The following SLC4A11 variants were observed in gnomAD, a reference collection of about 807,000 sequenced individuals.
SLC4A11 encodes the protein bicarbonate transporter related protein 1.
A neutral mutation model predicts 95.0 loss-of-function variants in SLC4A11; 74 were observed. That is an observed-to-expected ratio of 0.78 (90% CI 0.65 to 0.95). The LOEUF (loss-of-function observed/expected upper bound fraction) is 0.95. Ranked by LOEUF, SLC4A11 falls within the 40% of genes least tolerant of loss-of-function variation. The probability of loss-of-function intolerance (pLI) is 0.00; values close to 1 mark genes in which losing one functional copy is unlikely to be tolerated. For synonymous variants in SLC4A11, 548 were observed against 519.0 expected, an observed-to-expected ratio of 1.06 and a Z score of -0.76; for missense variants, 1,081 against 1,192.4, an observed-to-expected ratio of 0.91 and a Z score of 1.38.
Position 3,231,470 on chromosome 20 carries a change from G to A in SLC4A11, c.808C>T (p.Leu270=). 6.2e-7 allele frequency: 1 copy of A among 1,614,106 alleles called. No individual in the cohort carries two copies. Residue 270 remains leucine (L), a synonymous_variant, in exon 8 of 20, where the codon CTG becomes TTG. Transcript: ENST00000642402. This position sits in a 1 kb window ranked among gnomAD's most constrained non-coding sequence, Gnocchi z 5.2. ...FSDIAFRQKL[L]ETRTEEEFKE... The stretch of plus-strand genomic sequence containing the variant: ...AATTCCTCCTCTGTGCGGGTCTCCA[G>A]GAGCTTCTGGCGGAAGGCGATATCC...
intron 18 of SLC4A11, 39 bp downstream of exon 18, chr20:3,228,472 TC>T (rs746181442): frequency 9.9e-6 from 16 of 1,612,622 alleles, no homozygotes; most frequent in African/African-American, 1.3e-5. Flanking sequence ...TGGGGCTGTG[TC>T]CCCACCCACG....
chr20:3,233,457 G>A (rs1183373471), intron 7 of SLC4A11, 57 bp downstream of exon 7: 1 of 1,608,554 alleles, frequency 6.2e-7, no homozygotes, highest in Non-Finnish European at 8.5e-7. Context: ...ACCCCAAGCA[G>A]AGGGCGGGTA....
In SLC4A11 at chr20:3,234,017, A is replaced by AG; in HGVS notation, c.524-16dup. On this transcript the variant is annotated splice_polypyrimidine_tract_variant and intron_variant, in intron 5 of 19. Coordinates refer to ENST00000642402, the MANE Select transcript of SLC4A11 (RefSeq NM_001174089.2). The surrounding 1 kb of genome is among the most constrained non-coding windows in gnomAD (Gnocchi z 5.8). ...CAGCAGGTGGACTGAGGAAAGAGTGAGGGGGAGGGTGGTGGGTCAACAGCC... is the reference window on the plus strand; with the variant it reads ...CAGCAGGTGGACTGAGGAAAGAGTGAGGGGGGAGGGTGGTGGGTCAACAGCC... 1.9e-6 allele frequency: 3 copies of AG among 1,609,214 alleles called. No homozygotes were observed. Among genetic ancestry groups the AG allele is most frequent in the Non-Finnish European group, 2.5e-6 (3 of 1,176,952 alleles).
rs1568536666 is a variant in SLC4A11, at chr20:3,231,563, T to C, written c.730-15A>G. The C allele has an allele frequency of 1.2e-6, 2 of 1,602,116 alleles. No individual in the cohort carries two copies. The highest frequency in any genetic ancestry group is 2.9e-5 in the African/African-American group (2 of 69,416). ...TTAGTGCTTTTCTAGGGGTGGAGGA[T>C]GGGAGTCACCCCTAGAAACAGAGGA... On this transcript the variant is annotated splice_polypyrimidine_tract_variant and intron_variant, in intron 7 of 19. Transcript: ENST00000642402. The surrounding 1 kb of genome is among the most constrained non-coding windows in gnomAD (Gnocchi z 5.2).
rs201364184 is a variant in SLC4A11 at position 3,234,067 on chromosome 20, G to A, written c.523+16C>T. 2.0e-4 allele frequency: 330 copies of A among 1,613,718 alleles called. 1 individual carries two copies. The highest frequency in any genetic ancestry group is 1.7e-4 in the African/African-American group (13 of 75,058). ...CCCTCCCAACGCCCCCGCCCGGGCC[G>A]GGAGACCGGCCTCACCTTTACCCCG... On this transcript the variant is annotated intron_variant, in intron 5 of 19. Transcript: ENST00000642402. The surrounding 1 kb of genome is among the most constrained non-coding windows in gnomAD (Gnocchi z 5.8).
chr20:3,234,083 C>A lies in SLC4A11; in HGVS notation c.523G>T (p.Val175Phe). The A allele has an allele frequency of 6.2e-7, 1 of 1,613,948 alleles. No homozygotes were observed. Among genetic ancestry groups the A allele is most frequent in the Non-Finnish European group, 8.5e-7 (1 of 1,180,024 alleles). The change falls in exon 5 of 20, where the codon GTC becomes TTC. Residue 175 changes from valine to phenylalanine, a missense_variant and splice_region_variant. Val to Phe is a conservative substitution (Grantham distance 50). Transcript: ENST00000642402. The surrounding 1 kb of genome is among the most constrained non-coding windows in gnomAD (Gnocchi z 5.8). ...TDAGAPMRGK[V>F]HLLSDTIQGV... ...GCCCGGGCCGGGAGACCGGCCTCACCTTTACCCCGCATGGGTGCCCCGGCA... is the reference window on the plus strand; with the variant it reads ...GCCCGGGCCGGGAGACCGGCCTCACATTTACCCCGCATGGGTGCCCCGGCA...
At chr20:3,237,422 G>C (rs1022342956) in intron 2 of SLC4A11, 122 bp downstream of exon 2, 3 of 1,014,152 alleles carry the variant, frequency 3.0e-6, no homozygotes, top group Non-Finnish European at 4.7e-6. Flanking sequence ...AAGCATTCCA[G>C]CACTAGAGTG....
intron 1 of SLC4A11, 183 bp downstream of exon 1, chr20:3,238,912 C>A: frequency 8.0e-7 from 1 of 1,256,810 alleles, no homozygotes; most frequent in South Asian, 2.8e-5. Context: ...GCCGCGAAGC[C>A]GCGCCCGGGC....
At chr20:3,232,070 T>C (rs2067800787) in intron 7 of SLC4A11, among the ~76,000 whole-genome samples, 2 of 152,252 alleles carry the variant, frequency 1.3e-5, no homozygotes, top group Admixed American at 1.3e-4. Context: ...TGTTATAAAC[T>C]CATGATTTCT....
At chr20:3,228,816 C>T in intron 17 of SLC4A11, 22 bp downstream of exon 17, 6 of 1,613,690 alleles carry the variant, frequency 3.7e-6, no homozygotes, top group Non-Finnish European at 5.1e-6. Context: ...GGGTCCACGG[C>T]TCTTGCCAGC....
intron 7 of SLC4A11, 41 bp downstream of exon 7, chr20:3,233,473 G>T (rs2067849231): frequency 1.9e-6 from 3 of 1,611,316 alleles, no homozygotes; most frequent in Admixed American, 3.3e-5. Context: ...GGGTAACCCG[G>T]GGCCCTCCTT....
chr20:3,237,765 C>G lies in SLC4A11; in HGVS notation c.44-177G>C, dbSNP rs1397519688. ...CAGTGCTCGGGAGGGGGCCCCATAG[C>G]AGGGGAAGCCAGCCTTAATCTCAGA... On this transcript the variant is annotated intron_variant, in intron 1 of 19. Coordinates refer to ENST00000642402, the MANE Select transcript of SLC4A11 (RefSeq NM_001174089.2). The G allele has an allele frequency of 3.7e-6, 6 of 1,612,052 alleles. No homozygotes were observed. In the Middle Eastern group the frequency reaches 5.0e-4, roughly 133 times the overall value.
Position 3,231,291 on chromosome 20 carries a change from C to T in SLC4A11, c.948+39G>A, listed in dbSNP as rs766728265. On this transcript the variant is annotated intron_variant, in intron 8 of 19. Transcript: ENST00000642402. The surrounding 1 kb of genome is among the most constrained non-coding windows in gnomAD (Gnocchi z 5.2). ...GTTAGCCCTGTCCGGCCCATGCCCC[C>T]GCCGACCCTGCCGGCCCCCGCCGGC... 23 of 1,613,284 alleles carry T rather than the reference C, an allele frequency of 1.4e-5. No homozygotes were observed. The highest frequency in any genetic ancestry group is 2.2e-5 in the East Asian group (1 of 44,866).
At chr20:3,232,756 C>T (rs995212058) in intron 7 of SLC4A11, among the ~76,000 whole-genome samples, 2 of 152,108 alleles carry the variant, frequency 1.3e-5, no homozygotes, top group African/African-American at 4.8e-5. Flanking sequence ...ATACAAAACC[C>T]CAAAAGAACT....
intron 1 of SLC4A11, chr20:3,238,083 G>A: frequency 6.8e-7 from 1 of 1,467,472 alleles, no homozygotes; most frequent in African/African-American, 1.4e-5. Context: ...CAGTTCCCCC[G>A]ACCCCCGTCA....
chr20:3,239,236 C>A, upstream of SLC4A11: 1 of 1,304,794 alleles, frequency 7.7e-7, no homozygotes, highest in Admixed American at 4.2e-5. Flanking sequence ...CGGGAGCCGG[C>A]GACACACCCC....
chr20:3,230,343 C>T, intron 12 of SLC4A11, 83 bp from the exon 13 acceptor site: 2 of 1,573,900 alleles, frequency 1.3e-6, no homozygotes, highest in South Asian at 2.2e-5. Context: ...CTGCACAGTC[C>T]CCTGCCTCCC....
chr20:3,228,078 C>T (rs2067595811), intron 19 of SLC4A11, among the ~76,000 whole-genome samples, 181 bp downstream of exon 19: 3 of 132,836 alleles, frequency 2.3e-5, no homozygotes, highest in Non-Finnish European at 5.1e-5. Context: ...TCCTCCTGCC[C>T]GCCAGCCTCC....
In SLC4A11 at chr20:3,234,593, C is replaced by A. The variant is rs1226494994; in HGVS notation, c.266G>T (p.Cys89Phe). The change falls in exon 4 of 20, where the codon TGT becomes TTT. Residue 89 changes from cysteine to phenylalanine, a missense_variant. Cys to Phe is a radical substitution (Grantham distance 205). Around this residue, in one of 3 missense-constraint regions of SLC4A11, gnomAD observed 310 missense variants for 313.5 expected, o/e 0.99. Coordinates refer to ENST00000642402, the MANE Select transcript of SLC4A11 (RefSeq NM_001174089.2). The surrounding 1 kb of genome is among the most constrained non-coding windows in gnomAD (Gnocchi z 5.8). ...NTENEATSGG[C>F]VLLHTSRKYL... is the part of the protein sequence containing the mutation. ...CTTTCGGGAGGTGTGCAGGAGCACA[C>A]AGCCACCGGAAGTCGCTTCATTCTC... 1 of 1,613,868 alleles carries A rather than the reference C, an allele frequency of 6.2e-7. No individual in the cohort carries two copies. The highest frequency in any genetic ancestry group is 1.1e-5 in the South Asian group (1 of 91,086).
Sources: allele counts gnomAD v4.1 joint callset (sites outside exome capture counted in the v4.1 genomes callset), GRCh38; gene constraint gnomAD v4.1.1; regional missense constraint gnomAD v4.1.1; non-coding constraint Gnocchi (gnomAD v3.1); transcripts MANE v1.5; gene names NCBI Gene and HGNC (gene_info 2026-07-23, HGNC 2026-07-21).